The following HRH1 variants were observed in gnomAD, a reference collection of about 807,000 sequenced individuals.
HRH1 encodes the protein histamine receptor H1, also known as histamine H1 receptor.
In HRH1, 6 loss-of-function variants were observed where a neutral mutation model predicts 10.3. The ratio of observed to expected loss-of-function variants is 0.58; its 90% CI spans 0.32 to 1.15. HRH1 has a LOEUF of 1.15. Ranked by LOEUF, HRH1 falls within the 50% of genes most tolerant of loss-of-function variation. HRH1 has a pLI of 0.05. For synonymous variants in HRH1, 242 were observed against 236.7 expected (o/e 1.02, Z -0.21); for missense variants, 514 against 615.3 (o/e 0.84, Z 1.74).
chr3:11,199,278 A>G (rs1202579167), intron 1 of HRH1, among the ~76,000 whole-genome samples: 1 of 152,126 alleles, frequency 6.6e-6, no homozygotes, highest in East Asian at 1.9e-4. Context: ...TGTATTTTCC[A>G]TTAGTGGTGA....
chr3:11,257,966 C>A (rs1388638148), intron 1 of HRH1, among the ~76,000 whole-genome samples: 1 of 152,142 alleles, frequency 6.6e-6, no homozygotes, highest in Non-Finnish European at 1.5e-5. Flanking sequence ...TGTGAGCCAC[C>A]ATTTCCAGCC....
At chr3:11,220,175 C>T (rs1265556023) in intron 1 of HRH1, among the ~76,000 whole-genome samples, 2 of 152,060 alleles carry the variant, frequency 1.3e-5, no homozygotes, top group African/African-American at 2.4e-5. Context: ...TTTAATAAAA[C>T]AATACCTATC....
intron 1 of HRH1, among the ~76,000 whole-genome samples, chr3:11,255,161 T>C (rs1054864409): frequency 6.6e-6 from 1 of 152,218 alleles, no homozygotes; most frequent in Non-Finnish European, 1.5e-5. Flanking sequence ...TGAAGAGGAA[T>C]TTATCATCTC....
chr3:11,179,242 C>T (rs1449572267), intron 1 of HRH1, among the ~76,000 whole-genome samples: 3 of 150,826 alleles, frequency 2.0e-5, no homozygotes, highest in Non-Finnish European at 4.4e-5. Flanking sequence ...GAGCCAAGAT[C>T]GCGCCACTGC....
At chr3:11,146,281 A>G (rs545056697) in intron 1 of HRH1, among the ~76,000 whole-genome samples, 1 of 152,216 alleles carries the variant, frequency 6.6e-6, no homozygotes, top group South Asian at 2.1e-4. Context: ...CATTGGGGTT[A>G]ATTTTCATTC....
chr3:11,254,061 C>T (rs570376173), intron 1 of HRH1, among the ~76,000 whole-genome samples: 3 of 152,114 alleles, frequency 2.0e-5, no homozygotes, highest in Non-Finnish European at 4.4e-5. Context: ...AATATTCTAA[C>T]GTTAGGCCTA....
rs1936742076 is a variant in HRH1 at position 11,154,755 on chromosome 3, G to A, written c.-36+201G>A. Reference sequence around the variant, plus strand: ...GTGGCGGAGGGCGGCTCGCTCGGTGGCACCGCTCCCCTCTCCACACTGTGG... The same window carrying A: ...GTGGCGGAGGGCGGCTCGCTCGGTGACACCGCTCCCCTCTCCACACTGTGG... On this transcript the variant is annotated intron_variant, in intron 1 of 1. Transcript: ENST00000431010. The surrounding 1 kb of genome is among the most constrained non-coding windows in gnomAD (Gnocchi z 4.4). 6.6e-6 allele frequency among the ~76,000 whole-genome samples: 1 copy of A among 152,114 alleles called. No individual in the cohort carries two copies. Among genetic ancestry groups the A allele is most frequent in the Admixed American group, 6.5e-5 (1 of 15,286 alleles).
At chr3:11,256,935 C>T (rs1250142329) in intron 1 of HRH1, among the ~76,000 whole-genome samples, 1 of 152,052 alleles carries the variant, frequency 6.6e-6, no homozygotes, top group Non-Finnish European at 1.5e-5. Flanking sequence ...TCTTTAAACT[C>T]ACCACTTTTT....
intron 1 of HRH1, among the ~76,000 whole-genome samples, chr3:11,246,061 C>T (rs1050154274): frequency 6.6e-6 from 1 of 151,868 alleles, no homozygotes; most frequent in Non-Finnish European, 1.5e-5. Context: ...CACATACACA[C>T]AGACTCTCAC....
chr3:11,251,347 C>G (rs550520025), intron 1 of HRH1, among the ~76,000 whole-genome samples: 8 of 152,128 alleles, frequency 5.3e-5, no homozygotes, highest in African/African-American at 1.9e-4. Context: ...GTTAATAAGG[C>G]CTCGCTCTGC....
At chr3:11,166,105 C>T (rs897280293) in intron 1 of HRH1, among the ~76,000 whole-genome samples, 1 of 152,216 alleles carries the variant, frequency 6.6e-6, no homozygotes, top group African/African-American at 2.4e-5. Context: ...CCAGACACAT[C>T]TTGTGTATCC....
chr3:11,141,547 C>T (rs539243882), intron 1 of HRH1, among the ~76,000 whole-genome samples: 2 of 152,276 alleles, frequency 1.3e-5, no homozygotes, highest in East Asian at 3.9e-4. Flanking sequence ...TCACATGTCC[C>T]AAGTTGATGC....
In HRH1 at chr3:11,260,289, G is replaced by A; in HGVS notation, c.1252G>A (p.Gly418Ser). 6.2e-7 allele frequency: 1 copy of A among 1,614,132 alleles called. No individual in the cohort carries two copies. The highest frequency in any genetic ancestry group is 8.5e-7 in the Non-Finnish European group (1 of 1,180,006). Residue 418 changes from glycine to serine, a missense_variant, in exon 2 of 2, where the codon GGT becomes AGT. By Grantham distance (56) the Gly-to-Ser change is moderately conservative. Coordinates refer to ENST00000431010, the MANE Select transcript of HRH1 (RefSeq NM_001098212.2). Reference protein sequence around the residue: ...NRERKAAKQLGFIMAAFILCW... With the variant: ...NRERKAAKQLSFIMAAFILCW... ...CGAAAGGAAGGCCGCCAAACAGTTG[G>A]GTTTTATCATGGCAGCCTTCATCCT...
Position 11,259,189 on chromosome 3 carries a change from C to T in HRH1, c.152C>T (p.Ala51Val). Reference sequence around the variant, plus strand: ...GGGCTCAACCTGCTGGTGCTGTATGCCGTACGGAGTGAGCGGAAGCTCCAC... The same window carrying T: ...GGGCTCAACCTGCTGGTGCTGTATGTCGTACGGAGTGAGCGGAAGCTCCAC... ...TVGLNLLVLY[A>V]VRSERKLHTV... The change falls in exon 2 of 2, where the codon GCC becomes GTC. Residue 51 changes from alanine (A) to valine (V), a missense_variant. Coordinates refer to ENST00000431010, the MANE Select transcript of HRH1 (RefSeq NM_001098212.2). This position sits in a 1 kb window ranked among gnomAD's most constrained non-coding sequence, Gnocchi z 4.6. The T allele has an allele frequency of 6.2e-7, 1 of 1,613,598 alleles. No homozygotes were observed. The highest frequency in any genetic ancestry group is 1.7e-5 in the Admixed American group (1 of 59,938).
At chr3:11,141,458 C>T (rs1272811484) in intron 1 of HRH1, among the ~76,000 whole-genome samples, 1 of 152,162 alleles carries the variant, frequency 6.6e-6, no homozygotes, top group Non-Finnish European at 1.5e-5. Flanking sequence ...CAGTTTTAGC[C>T]TGCTATCTCT....
At chr3:11,211,001 A>T (rs1031439259) in intron 1 of HRH1, among the ~76,000 whole-genome samples, 3 of 152,232 alleles carry the variant, frequency 2.0e-5, no homozygotes, top group Non-Finnish European at 4.4e-5. Context: ...ATCAAAATAC[A>T]GTGTTGAACA....
chr3:11,148,601 T>C (rs557633908), intron 1 of HRH1, among the ~76,000 whole-genome samples: 1 of 152,152 alleles, frequency 6.6e-6, no homozygotes, highest in South Asian at 2.1e-4. Context: ...CTCCAGGCAT[T>C]ACATCTACGT....
intron 1 of HRH1, among the ~76,000 whole-genome samples, chr3:11,163,833 A>G (rs1284199858): frequency 6.6e-6 from 1 of 152,048 alleles, no homozygotes; most frequent in East Asian, 1.9e-4. Flanking sequence ...ATTCTCTTCC[A>G]GGAAGTCTTC....
intron 1 of HRH1, among the ~76,000 whole-genome samples, chr3:11,238,195 C>A (rs554802422): frequency 6.6e-6 from 1 of 152,216 alleles, no homozygotes; most frequent in East Asian, 1.9e-4. Flanking sequence ...ATCTCTTAAA[C>A]CAAATTATAA....
Sources: gnomAD v4.1 joint callset for allele counts (sites outside exome capture counted in the v4.1 genomes callset) on GRCh38, gnomAD v4.1.1 for gene constraint, Gnocchi (gnomAD v3.1) non-coding constraint, MANE v1.5 for transcripts, NCBI Gene and HGNC (gene_info 2026-07-23, HGNC 2026-07-21) for gene names.